APBB2: variants seen among roughly 807,000 people sequenced by gnomAD.
APBB2 encodes Fe65-like 1.
APBB2 carries 38 observed loss-of-function variants against 82.5 expected under a neutral mutation model. That is an observed-to-expected ratio of 0.46 (90% CI 0.36 to 0.60). The LOEUF (loss-of-function observed/expected upper bound fraction) is 0.60, where lower values mean the gene tolerates loss of function less well. Ranked by LOEUF, APBB2 falls within the 20% of genes least tolerant of loss-of-function variation. The pLI, the probability that APBB2 is intolerant of heterozygous loss-of-function variation, is 0.00. For missense variants in APBB2, 772 were observed against 972.3 expected, an observed-to-expected ratio of 0.79 and a Z score of 2.74; for synonymous variants, 341 against 368.2, an observed-to-expected ratio of 0.93 and a Z score of 0.85.
At chr4:41,176,794 G>C (rs1330181109) in intron 1 of APBB2, among the ~76,000 whole-genome samples, 1 of 151,776 alleles carries the variant, frequency 6.6e-6, no homozygotes, top group Admixed American at 6.6e-5. Context: ...AAGCATTTTG[G>C]GTTAACAAAA....
intron 6 of APBB2, among the ~76,000 whole-genome samples, chr4:40,966,512 A>G (rs1024079725): frequency 2.0e-5 from 3 of 152,084 alleles, no homozygotes; most frequent in African/African-American, 7.3e-5. Context: ...GCTAATGTGG[A>G]CCCAGGCATC....
intron 4 of APBB2, among the ~76,000 whole-genome samples, chr4:41,059,924 G>A (rs1191099094): frequency 2.2e-4 from 34 of 151,284 alleles, no homozygotes; most frequent in Non-Finnish European, 7.4e-5. Flanking sequence ...AGGTTGCAGT[G>A]AGTCAAGATC....
At chr4:40,908,829 T>C (rs553794420) in intron 10 of APBB2, among the ~76,000 whole-genome samples, 2 of 152,194 alleles carry the variant, frequency 1.3e-5, no homozygotes, top group African/African-American at 4.8e-5. Flanking sequence ...AGCCCTGAGG[T>C]AGTGTGGGTG....
At chr4:41,000,059 ATATGTGTGTATGTGTG>A (rs1182534802) in intron 6 of APBB2, among the ~76,000 whole-genome samples, 4 of 92,902 alleles carry the variant, frequency 4.3e-5, no homozygotes, top group East Asian at 9.3e-4. Flanking sequence ...ATATGTATAT[ATATGTGTGTATGTGTG>A]TGTGTGTGTG....
At chr4:40,930,015 G>A (rs1299523678) in intron 10 of APBB2, among the ~76,000 whole-genome samples, 2 of 152,104 alleles carry the variant, frequency 1.3e-5, no homozygotes, top group Admixed American at 6.5e-5. Context: ...ACTACACAGA[G>A]GAGCATGTGA....
At chr4:41,083,898 C>A (rs982400916) in intron 3 of APBB2, among the ~76,000 whole-genome samples, 1 of 151,526 alleles carries the variant, frequency 6.6e-6, no homozygotes, top group Admixed American at 6.6e-5. Context: ...CATTCATAGG[C>A]CTTAAAAAAT....
chr4:41,011,093 G>A (rs1323370120), intron 6 of APBB2, among the ~76,000 whole-genome samples: 2 of 149,778 alleles, frequency 1.3e-5, no homozygotes, highest in African/African-American at 4.9e-5. Context: ...TAAAACATAG[G>A]GATTCTAAAA....
chr4:41,068,861 TCTCAGCTTACTGCAACCTCCGACTTC>T (rs1216901760), intron 3 of APBB2, among the ~76,000 whole-genome samples: 1 of 143,170 alleles, frequency 7.0e-6, no homozygotes. Flanking sequence ...AGTGGCGTGA[TCTCAGCTTACTGCAACCTCCGACTTC>T]CTGGTTCAAG....
intron 12 of APBB2, chr4:40,880,488 CATCTGCATAAGTTCTGGGTTATCATGGTT>C (rs1258534776): frequency 1.0e-6 from 1 of 985,346 alleles, no homozygotes; most frequent in Non-Finnish European, 1.2e-6. Flanking sequence ...ATGCACTGAA[CATCTGCATAAGTTCTGGGTTATCATGGTT>C]ATGACTTCCT....
chr4:41,012,688 A>G (rs1393377969), intron 6 of APBB2, among the ~76,000 whole-genome samples: 1 of 151,800 alleles, frequency 6.6e-6, no homozygotes, highest in African/African-American at 2.4e-5. Flanking sequence ...GGTTCTATCT[A>G]TTTTCTTTGT....
intron 10 of APBB2, among the ~76,000 whole-genome samples, chr4:40,933,799 A>G (rs760863264): frequency 6.6e-6 from 1 of 152,216 alleles, no homozygotes; most frequent in Non-Finnish European, 1.5e-5. Context: ...GACTTGACTT[A>G]TAAGATACAA....
intron 2 of APBB2, among the ~76,000 whole-genome samples, chr4:41,135,330 A>C (rs1757268928): frequency 6.6e-6 from 1 of 152,190 alleles, no homozygotes; most frequent in Admixed American, 6.5e-5. Flanking sequence ...CTGCACCGAA[A>C]GATTTTTTAA....
Position 41,028,829 on chromosome 4 carries a change from C to G in APBB2, c.19+4407G>C, listed in dbSNP as rs6845837. Among the ~76,000 whole-genome samples, 867 of 152,352 alleles carry G rather than the reference C, an allele frequency of 5.7e-3. 8 individuals are homozygous for G. The highest frequency in any genetic ancestry group is 0.02 in the African/African-American group (819 of 41,578). On this transcript the variant is annotated intron_variant, in intron 5 of 17. Coordinates refer to ENST00000508593, the MANE Select transcript of APBB2 (RefSeq NM_004307.2). ...CACAAAGGCCCCAGCACAGATACAA[C>G]CAGGCCTACTGGCCCTGTAACTCGG...
At chr4:41,059,198 C>T (rs570215007) in intron 4 of APBB2, among the ~76,000 whole-genome samples, 3 of 152,152 alleles carry the variant, frequency 2.0e-5, no homozygotes, top group African/African-American at 4.8e-5. Context: ...AGGTGGCTCA[C>T]GCCTATAATC....
Position 40,869,029 on chromosome 4 carries a change from A to AT in APBB2, c.1529+21334dup, listed in dbSNP as rs916774627. On this transcript the variant is annotated intron_variant, in intron 12 of 17. Coordinates refer to ENST00000508593, the MANE Select transcript of APBB2 (RefSeq NM_004307.2). ...CGATTTGTCCCCACACCACCTTTCT[A>AT]TTTTTTTTTTCTTCTTTGAGACAGA... Among the ~76,000 whole-genome samples, 64 of 149,150 alleles carry AT rather than the reference A, an allele frequency of 4.3e-4. 1 individual carries two copies. The highest frequency in any genetic ancestry group is 1.1e-3 in the African/African-American group (45 of 40,690).
intron 10 of APBB2, among the ~76,000 whole-genome samples, chr4:40,929,086 G>A (rs1367973809): frequency 6.6e-6 from 1 of 151,452 alleles, no homozygotes; most frequent in Non-Finnish European, 1.5e-5. Flanking sequence ...TTCTTTGTTT[G>A]TACTGTGATT....
chr4:41,008,751 T>C (rs914443076), intron 6 of APBB2, among the ~76,000 whole-genome samples: 9 of 152,238 alleles, frequency 5.9e-5, no homozygotes, highest in African/African-American at 2.2e-4. Context: ...CAAAACACTC[T>C]TATCCCCATT....
chr4:40,950,262 A>G (rs1222875873), intron 6 of APBB2, among the ~76,000 whole-genome samples: 1 of 152,246 alleles, frequency 6.6e-6, no homozygotes, highest in African/African-American at 2.4e-5. Flanking sequence ...TGGTACAATC[A>G]TTTTAGAAAA....
chr4:41,034,869 T>C (rs1282093386), intron 4 of APBB2, among the ~76,000 whole-genome samples: 1 of 152,248 alleles, frequency 6.6e-6, no homozygotes, highest in Non-Finnish European at 1.5e-5. Flanking sequence ...AAATAGACCT[T>C]ATTTTCAATG....
Sources: gnomAD v4.1 joint callset for allele counts (sites outside exome capture counted in the v4.1 genomes callset) on GRCh38, gnomAD v4.1.1 for gene constraint, MANE v1.5 for transcripts, NCBI Gene and HGNC (gene_info 2026-07-23, HGNC 2026-07-21) for gene names.